DPEP3: variants seen among roughly 807,000 people sequenced by gnomAD.
The protein encoded by DPEP3 is membrane-bound dipeptidase 3.
Under a neutral mutation model 47.5 loss-of-function variants are expected in DPEP3, and 42 were observed. The ratio of observed to expected loss-of-function variants is 0.88; its 90% confidence interval spans 0.69 to 1.14. The LOEUF (loss-of-function observed/expected upper bound fraction) is 1.14, where lower values mean the gene tolerates loss of function less well. DPEP3 is among the 50% of genes most tolerant of loss of function. The pLI is 0.00. For missense variants in DPEP3, 560 were observed against 635.0 expected (o/e 0.88, Z 1.27); for synonymous variants, 276 against 270.2 (o/e 1.02, Z -0.21).
rs777695414 is a variant in DPEP3, at chr16:67,979,760, T to A, written c.293A>T (p.Asn98Ile). 1 of 1,613,842 alleles carries A rather than the reference T, an allele frequency of 6.2e-7. No homozygotes were observed. Among genetic ancestry groups the A allele is most frequent in the South Asian group, 1.1e-5 (1 of 91,062 alleles). Residue 98 changes from asparagine (N) to isoleucine (I), a missense_variant, in exon 2 of 10, where the codon AAT becomes ATT. Transcript: ENST00000268793. ...CTGTCTCAGGACCTGGGGCAGGTCA[T>A]TGTGGCTGGGGGTGTGAAGGTCAGA... ...MRSFPLVDGH[N>I]DLPQVLRQRY...
Position 67,977,637 on chromosome 16 carries a change from T to C in DPEP3, c.933+16A>G. On this transcript the variant is annotated intron_variant, in intron 6 of 9. Transcript: ENST00000268793. ...GATAACACATGCCTAGTTTGAGAGCTGGGATGGCCACTCACCAGAAGCTGC... is the reference window on the plus strand; with the variant it reads ...GATAACACATGCCTAGTTTGAGAGCCGGGATGGCCACTCACCAGAAGCTGC... 1 of 1,605,830 alleles carries C rather than the reference T, an allele frequency of 6.2e-7. No individual in the cohort carries two copies. The highest frequency in any genetic ancestry group is 1.7e-5 in the Admixed American group (1 of 58,632).
Position 67,978,262 on chromosome 16 carries a change from C to T in DPEP3, c.686+5G>A, listed in dbSNP as rs1209376901. 6.2e-7 allele frequency: 1 copy of T among 1,614,002 alleles called. No individual in the cohort carries two copies. The highest frequency in any genetic ancestry group is 8.5e-7 in the Non-Finnish European group (1 of 1,179,996). On this transcript the variant is annotated splice_donor_5th_base_variant and intron_variant, in intron 4 of 9. Transcript: ENST00000268793. The surrounding 1 kb of genome is among the most constrained non-coding windows in gnomAD (Gnocchi z 4.4). ...TCTAGCATCCTGGCCAGGTGTTATGCTCACCATGGTGTACTGCAGGTGAAG... is the reference window on the plus strand; with the variant it reads ...TCTAGCATCCTGGCCAGGTGTTATGTTCACCATGGTGTACTGCAGGTGAAG...
intron 8 of DPEP3, 97 bp downstream of exon 8, chr16:67,976,603 G>T: frequency 8.5e-7 from 1 of 1,172,922 alleles, no homozygotes; most frequent in Non-Finnish European, 1.2e-6. Flanking sequence ...CAGAGCCTGT[G>T]GCTGAGGCCT....
rs1198036985 is a variant in DPEP3 at position 67,977,628 on chromosome 16, T to A, written c.933+25A>T. The A allele has an allele frequency of 1.9e-6, 3 of 1,600,436 alleles. No individual in the cohort carries two copies. The South Asian group carries it at 3.4e-5, about 18-fold the overall frequency. On this transcript the variant is annotated intron_variant, in intron 6 of 9. Coordinates refer to ENST00000268793, the MANE Select transcript of DPEP3 (RefSeq NM_001370198.1). The stretch of plus-strand genomic sequence containing the variant: ...GAACCTTTGGATAACACATGCCTAG[T>A]TTGAGAGCTGGGATGGCCACTCACC...
In DPEP3 at chr16:67,976,719, T is replaced by G. The variant is rs751075660; in HGVS notation, c.1075A>C (p.Asn359His). 1 of 1,614,052 alleles carries G rather than the reference T, an allele frequency of 6.2e-7. No homozygotes were observed. The change falls in exon 8 of 10, where the codon AAT becomes CAT. Residue 359 changes from asparagine to histidine, a missense_variant. Coordinates refer to ENST00000268793, the MANE Select transcript of DPEP3 (RefSeq NM_001370198.1). The stretch of plus-strand genomic sequence containing the variant: ...ACTCACCGGCCAGTCCCGTCATAAT[T>G]TCCACCAATCCCGATGAACTCAGAT... ...IGSEFIGIGG[N>H]YDGTGRFPQG... is the part of the protein sequence containing the mutation.
At position 67,979,691 on chromosome 16, in the gene DPEP3, C is replaced by G. The variant is rs1225176548; in HGVS notation, c.362G>C (p.Ser121Thr). ...CCTGTCCAGGCTGGTCTGACCATGG[C>G]TGAAATTTCGCAGGTTAACATCCTG... ...VLQDVNLRNFSHGQTSLDRLR... is the reference protein window; with the variant it reads ...VLQDVNLRNFTHGQTSLDRLR... Residue 121 changes from serine to threonine, a missense_variant, in exon 2 of 10, where the codon AGC becomes ACC. By Grantham distance (58) the Ser-to-Thr change is moderately conservative. Transcript: ENST00000268793. 6.2e-7 allele frequency: 1 copy of G among 1,614,160 alleles called. No individual in the cohort carries two copies. Among genetic ancestry groups the G allele is most frequent in the East Asian group, 2.2e-5 (1 of 44,884 alleles).
chr16:67,980,472 G>A lies in DPEP3; in HGVS notation c.-92C>T, dbSNP rs377542686. ...CCGGATCATGACGACCCAGCCTCCC[G>A]AAGAGGGGGTTGAAGTCACGCGACT... On this transcript the variant is annotated 5_prime_UTR_variant, in exon 1 of 10. Transcript: ENST00000268793. The A allele has an allele frequency of 3.8e-5, 55 of 1,438,398 alleles. No homozygotes were observed. Among genetic ancestry groups the A allele is most frequent in the African/African-American group, 3.1e-4 (21 of 66,842 alleles). The allele number at this position is 1,438,398 out of a possible 1,614,324, so 89.1% of individuals were successfully genotyped here.
At chr16:67,976,365 C>A in intron 8 of DPEP3, 137 bp from the exon 9 acceptor site, 1 of 1,233,226 alleles carries the variant, frequency 8.1e-7, no homozygotes, top group Non-Finnish European at 1.1e-6. Flanking sequence ...CTTGGAGGCT[C>A]CTGGAGGACT....
Position 67,978,641 on chromosome 16 carries a change from A to T in DPEP3, c.415-15T>A. 6.2e-7 allele frequency: 1 copy of T among 1,613,510 alleles called. No individual in the cohort carries two copies. Among genetic ancestry groups the T allele is most frequent in the Non-Finnish European group, 8.5e-7 (1 of 1,179,754 alleles). ...GCTGACCAGAACTGAGGGTAGGTCA[A>T]GGGGTCCAGAATGAGGCCAGGGCGG... On this transcript the variant is annotated splice_polypyrimidine_tract_variant and intron_variant, in intron 2 of 9. Transcript: ENST00000268793. This position sits in a 1 kb window ranked among gnomAD's most constrained non-coding sequence, Gnocchi z 4.4.
intron 7 of DPEP3, 54 bp downstream of exon 7, chr16:67,977,216 G>T: frequency 1.3e-6 from 2 of 1,539,132 alleles, no homozygotes. Flanking sequence ...CGTCCTGAGG[G>T]CCCTGGCAGC....
At chr16:67,980,063 C>T (rs1265148911) in intron 1 of DPEP3, 31 bp downstream of exon 1, 5 of 1,584,058 alleles carry the variant, frequency 3.2e-6, no homozygotes, top group South Asian at 1.2e-5. Flanking sequence ...GTGTGCTCAC[C>T]CCGCGTTGCC....
At position 67,978,301 on chromosome 16, in the gene DPEP3, A is replaced by G; in HGVS notation, c.652T>C (p.Tyr218His). 6.2e-7 allele frequency: 1 copy of G among 1,614,182 alleles called. No homozygotes were observed. The highest frequency in any genetic ancestry group is 8.5e-7 in the Non-Finnish European group (1 of 1,180,028). The change falls in exon 4 of 10, where the codon TAC becomes CAC. Residue 218 changes from tyrosine to histidine, a missense_variant. Transcript: ENST00000268793. The surrounding 1 kb of genome is among the most constrained non-coding windows in gnomAD (Gnocchi z 4.4). The part of the protein sequence containing the change: ...LRSFYVLGVR[Y>H]LTLTFTCSTP... ...CTGCAGGTGAAGGTAAGTGTCAGGT[A>G]GCGCACCCCCAGCACATAGAAACTG...
At position 67,978,719 on chromosome 16, in the gene DPEP3, T is replaced by C; in HGVS notation, c.415-93A>G. On this transcript the variant is annotated intron_variant, in intron 2 of 9. Transcript: ENST00000268793. This position sits in a 1 kb window ranked among gnomAD's most constrained non-coding sequence, Gnocchi z 4.4. ...TGCCTCAGACCCCATAACACCCATT[T>C]GGGTCAGTGGCCCCAAGTGAGGCAC... 1 of 1,515,948 alleles carries C rather than the reference T, an allele frequency of 6.6e-7. No individual in the cohort carries two copies. The highest frequency in any genetic ancestry group is 9.0e-7 in the Non-Finnish European group (1 of 1,117,178). The allele number at this position is 1,515,948 out of a possible 1,614,324, so 93.9% of individuals were successfully genotyped here.
Position 67,976,014 on chromosome 16 carries a change from G to C in DPEP3, c.1231-13C>G. ...TCTCCTCTCTCACCTGGGGGAGGAA[G>C]TCCGCAGTCAGAGGCTCCCACAGCA... On this transcript the variant is annotated splice_polypyrimidine_tract_variant and intron_variant, in intron 9 of 9. Coordinates refer to ENST00000268793, the MANE Select transcript of DPEP3 (RefSeq NM_001370198.1). 2 of 1,613,596 alleles carry C rather than the reference G, an allele frequency of 1.2e-6. No homozygotes were observed. The highest frequency in any genetic ancestry group is 1.7e-6 in the Non-Finnish European group (2 of 1,179,522).
rs765456651 is a variant in DPEP3, at chr16:67,978,334, CAG to C, written c.617_618del (p.Ser206CysfsTer46). The C allele has an allele frequency of 1.9e-6, 3 of 1,614,020 alleles. No individual in the cohort carries two copies. In the Admixed American group the frequency reaches 5.0e-5, roughly 27 times the overall value. ...EGGHSLDSSL[S>X]VLRSFYVLGV... ...CCCAGCACATAGAAACTGCGCAGCA[CAG>C]AGAGGCTGCTGTCCAGTGAGTGACC... is the stretch of plus-strand genomic sequence containing the variant. On this transcript the variant is annotated frameshift_variant, in exon 4 of 10. Transcript: ENST00000268793. LOFTEE classifies it high-confidence loss of function. The surrounding 1 kb of genome is among the most constrained non-coding windows in gnomAD (Gnocchi z 4.4).
chr16:67,980,462 C>A lies in DPEP3; in HGVS notation c.-82G>T, dbSNP rs2031303955. Reference sequence around the variant, plus strand: ...ACAATGGGGTCCGGATCATGACGACCCAGCCTCCCGAAGAGGGGGTTGAAG... The same window carrying A: ...ACAATGGGGTCCGGATCATGACGACACAGCCTCCCGAAGAGGGGGTTGAAG... On this transcript the variant is annotated 5_prime_UTR_variant, in exon 1 of 10. Coordinates refer to ENST00000268793, the MANE Select transcript of DPEP3 (RefSeq NM_001370198.1). 6.9e-7 allele frequency: 1 copy of A among 1,443,922 alleles called. No individual in the cohort carries two copies. The highest frequency in any genetic ancestry group is 1.5e-5 in the African/African-American group (1 of 67,230). 89.4% of individuals were successfully genotyped at this position (1,443,922 alleles called of 1,614,324 possible).
At position 67,977,779 on chromosome 16, in the gene DPEP3, A is replaced by G. The variant is rs759149803; in HGVS notation, c.807T>C (p.Tyr269=). The change falls in exon 6 of 10, where the codon TAT becomes TAC. Residue 269 remains tyrosine, a synonymous_variant. Coordinates refer to ENST00000268793, the MANE Select transcript of DPEP3 (RefSeq NM_001370198.1). ...CCCTTCTTATCAAGGTGTCCGATGCATAGGACAAATCTATCATCATGCCCA... is the reference window on the plus strand; with the variant it reads ...CCCTTCTTATCAAGGTGTCCGATGCGTAGGACAAATCTATCATCATGCCCA... ...NRLGMMIDLS[Y]ASDTLIRRVL... 5.6e-6 allele frequency: 9 copies of G among 1,613,978 alleles called. No homozygotes were observed. Among genetic ancestry groups the G allele is most frequent in the Non-Finnish European group, 7.6e-6 (9 of 1,179,870 alleles).
chr16:67,975,762 G>A lies in DPEP3; in HGVS notation c.*3C>T. The A allele has an allele frequency of 1.2e-6, 2 of 1,610,966 alleles. No homozygotes were observed. The highest frequency in any genetic ancestry group is 2.2e-5 in the East Asian group (1 of 44,774). ...ACAGTGACCTCTGCGGGGACCGACT[G>A]TGTCAGCAGAGCCACTGGGTGAAGG... On this transcript the variant is annotated 3_prime_UTR_variant, in exon 10 of 10. Transcript: ENST00000268793.
In DPEP3 at chr16:67,977,956, TC is replaced by T. The variant is rs745792566; in HGVS notation, c.737del (p.Gly246AspfsTer2). ...FRHHMYTNVS[G>X]LTSFGEKVVE... The stretch of plus-strand genomic sequence containing the variant: ...TCCTCACCTCACCAAAGCTTGTCAA[TC>T]CGCTGACGTTGGTGTACATGTGGTG... On this transcript the variant is annotated frameshift_variant, in exon 5 of 10. Transcript: ENST00000268793. LOFTEE classifies it high-confidence loss of function. 1.9e-6 allele frequency: 3 copies of T among 1,613,968 alleles called. No individual in the cohort carries two copies. Among genetic ancestry groups the T allele is most frequent in the Non-Finnish European group, 1.7e-6 (2 of 1,179,884 alleles).
Sources: allele counts gnomAD v4.1 joint callset, GRCh38; gene constraint gnomAD v4.1.1; non-coding constraint Gnocchi (gnomAD v3.1); transcripts MANE v1.5; gene names NCBI Gene and HGNC (gene_info 2026-07-23, HGNC 2026-07-21).